The following PCDH7 variants were observed in gnomAD, a reference collection of about 807,000 sequenced individuals.
PCDH7 encodes the protein protocadherin 7.
In PCDH7, 17 loss-of-function variants were observed where a neutral mutation model predicts 58.9. That is an observed-to-expected ratio of 0.29 (90% CI 0.20 to 0.43). The LOEUF (loss-of-function observed/expected upper bound fraction) is 0.43, where lower values mean the gene tolerates loss of function less well. PCDH7 is among the 20% of genes least tolerant of loss of function. The pLI is 1.00. For synonymous variants in PCDH7, 664 were observed against 616.4 expected (o/e 1.08, Z -1.14); for missense variants, 1,274 against 1,441.0 (o/e 0.88, Z 1.88).
intron 3 of PCDH7, among the ~76,000 whole-genome samples, chr4:31,135,192 A>T (rs1308735357): frequency 6.6e-6 from 1 of 152,062 alleles, no homozygotes; most frequent in East Asian, 1.9e-4. Flanking sequence ...GCTAATTTTG[A>T]CCCATCTTTT....
At chr4:30,932,490 T>TA (rs766946655) in intron 2 of PCDH7, among the ~76,000 whole-genome samples, 2 of 152,204 alleles carry the variant, frequency 1.3e-5, no homozygotes, top group Admixed American at 6.5e-5. Flanking sequence ...ACTATATCGA[T>TA]AAAAAGTCTT....
chr4:30,727,844 A>T (rs968510685), intron 1 of PCDH7, among the ~76,000 whole-genome samples: 4 of 151,956 alleles, frequency 2.6e-5, no homozygotes, highest in Non-Finnish European at 5.9e-5. Flanking sequence ...GAGTGATAGT[A>T]TGAAAAGTAC....
chr4:31,056,458 G>GAAGGAAAGA (rs1553932369), intron 3 of PCDH7, among the ~76,000 whole-genome samples: 5,186 of 82,960 alleles, frequency 0.063, 361 homozygotes, highest in South Asian at 0.089. Flanking sequence ...AAGAAAGAAA[G>GAAGGAAAGA]AAGAAAGAAA....
intron 1 of PCDH7, among the ~76,000 whole-genome samples, chr4:30,763,173 C>CCATTGCA (rs1169961531): frequency 6.6e-6 from 1 of 152,092 alleles, no homozygotes; most frequent in Admixed American, 6.5e-5. Flanking sequence ...CAGTGAGCTG[C>CCATTGCA]CATTGCACAT....
intron 1 of PCDH7, among the ~76,000 whole-genome samples, chr4:30,765,125 C>CTGTTTTTTTTTTTT (rs1720565122): frequency 2.0e-5 from 1 of 49,198 alleles, no homozygotes; most frequent in Non-Finnish European, 3.6e-5. Flanking sequence ...ACTTCAGATG[C>CTGTTTTTTTTTTTT]TTTTTTTTTT....
At chr4:30,809,100 G>A (rs932703247) in intron 1 of PCDH7, among the ~76,000 whole-genome samples, 3 of 152,086 alleles carry the variant, frequency 2.0e-5, no homozygotes, top group East Asian at 1.9e-4. Flanking sequence ...ATTCCTTTTC[G>A]CATTCTCTAT....
chr4:31,097,183 G>A (rs910393682), intron 3 of PCDH7, among the ~76,000 whole-genome samples: 8 of 152,008 alleles, frequency 5.3e-5, no homozygotes, highest in East Asian at 1.9e-4. Context: ...GTGTCTGGGC[G>A]CGGTGGCTCA....
In PCDH7 at chr4:30,780,272, G is replaced by T. The variant is rs760609437; in HGVS notation, c.70+55676G>T. ...TGTAATCCTAGCACTTTGGGAGGTCGAGGCAGGTAGATCATCTGAGGTCAG... is the reference window on the plus strand; with the variant it reads ...TGTAATCCTAGCACTTTGGGAGGTCTAGGCAGGTAGATCATCTGAGGTCAG... On this transcript the variant is annotated intron_variant, in intron 1 of 3. Coordinates refer to the PCDH7 transcript ENST00000509759. 2.3e-4 allele frequency among the ~76,000 whole-genome samples: 35 copies of T among 152,076 alleles called. 1 individual carries two copies. The highest frequency in any genetic ancestry group is 4.0e-4 in the Non-Finnish European group (27 of 68,002).
intron 3 of PCDH7, among the ~76,000 whole-genome samples, chr4:31,138,149 C>CTATG (rs1442417784): frequency 1.3e-5 from 2 of 151,898 alleles, no homozygotes; most frequent in African/African-American, 4.8e-5. Context: ...TCTAAAGATT[C>CTATG]TATTATCTAT....
chr4:31,105,502 A>G (rs1475198733), intron 3 of PCDH7, among the ~76,000 whole-genome samples: 1 of 152,128 alleles, frequency 6.6e-6, no homozygotes, highest in Non-Finnish European at 1.5e-5. Context: ...TTAGGGCTCT[A>G]TACCCTGGAG....
intron 3 of PCDH7, among the ~76,000 whole-genome samples, chr4:30,963,187 A>C: frequency 6.6e-6 from 1 of 152,222 alleles, no homozygotes; most frequent in Admixed American, 6.5e-5. Context: ...TTTGGCCTAA[A>C]TCTAATCAAT....
intron 3 of PCDH7, among the ~76,000 whole-genome samples, chr4:31,097,910 A>C (rs1337161610): frequency 6.6e-6 from 1 of 151,914 alleles, no homozygotes; most frequent in East Asian, 1.9e-4. Flanking sequence ...GGCCACTGTT[A>C]TTTTATCCTT....
intron 1 of PCDH7, among the ~76,000 whole-genome samples, chr4:30,903,537 T>C (rs1384219163): frequency 1.3e-5 from 2 of 152,136 alleles, no homozygotes; most frequent in African/African-American, 4.8e-5. Context: ...CAGTCATTTA[T>C]AGAGCACTCT....
intron 1 of PCDH7, among the ~76,000 whole-genome samples, chr4:30,751,097 A>C (rs1288267857): frequency 6.6e-6 from 1 of 152,186 alleles, no homozygotes; most frequent in Admixed American, 6.5e-5. Context: ...AAGATATTGA[A>C]ACTGTTACCT....
At chr4:30,865,484 T>C (rs1381115044) in intron 1 of PCDH7, among the ~76,000 whole-genome samples, 1 of 152,082 alleles carries the variant, frequency 6.6e-6, no homozygotes, top group East Asian at 1.9e-4. Flanking sequence ...GTTCACTGAA[T>C]CTCATGTGGG....
chr4:30,891,253 G>A (rs1738567775), intron 1 of PCDH7, among the ~76,000 whole-genome samples: 1 of 152,024 alleles, frequency 6.6e-6, no homozygotes, highest in African/African-American at 2.4e-5. Context: ...GAATACATTG[G>A]TCACATTTTG....
intron 1 of PCDH7, among the ~76,000 whole-genome samples, chr4:30,875,832 A>G (rs1401018331): frequency 2.0e-5 from 3 of 152,128 alleles, no homozygotes; most frequent in Non-Finnish European, 4.4e-5. Flanking sequence ...CTTAGCAAAG[A>G]TTTATTAAGA....
intron 1 of PCDH7, among the ~76,000 whole-genome samples, chr4:30,881,981 A>G (rs1344866256): frequency 6.6e-6 from 1 of 152,160 alleles, no homozygotes; most frequent in Non-Finnish European, 1.5e-5. Context: ...AAGGCTACCA[A>G]GTGTGAAACA....
chr4:31,093,984 C>G (rs913912912), intron 3 of PCDH7, among the ~76,000 whole-genome samples: 1 of 152,052 alleles, frequency 6.6e-6, no homozygotes, highest in Non-Finnish European at 1.5e-5. Context: ...TTATGGTGGA[C>G]ATGTTTTTGG....
Sources: gnomAD v4.1 joint callset for allele counts (sites outside exome capture counted in the v4.1 genomes callset) on GRCh38, gnomAD v4.1.1 for gene constraint, MANE v1.5 for transcripts, NCBI Gene and HGNC (gene_info 2026-07-23, HGNC 2026-07-21) for gene names.